Variants in RAB3C observed in about 807,000 individuals in gnomAD.
The protein encoded by RAB3C is RAB3C, member RAS oncogene family.
In RAB3C, 17 loss-of-function variants were observed where a neutral mutation model predicts 26.4. The ratio of observed to expected loss-of-function variants is 0.64; its 90% CI spans 0.44 to 0.97. The LOEUF (loss-of-function observed/expected upper bound fraction) is 0.97. RAB3C is among the 50% of genes least tolerant of loss of function. The pLI is 0.00. For synonymous variants in RAB3C, 91 were observed against 95.9 expected, an observed-to-expected ratio of 0.95 and a Z score of 0.30; for missense variants, 242 against 281.9, an observed-to-expected ratio of 0.86 and a Z score of 1.01.
At chr5:58,683,521 G>T (rs1174375752) in intron 2 of RAB3C, among the ~76,000 whole-genome samples, 12 of 151,938 alleles carry the variant, frequency 7.9e-5, no homozygotes, top group Admixed American at 7.9e-4. Flanking sequence ...GCTATAACCG[G>T]GTACCACAAG....
chr5:58,754,344 C>T (rs576361450), intron 3 of RAB3C, among the ~76,000 whole-genome samples: 1 of 134,958 alleles, frequency 7.4e-6, no homozygotes, highest in Non-Finnish European at 1.7e-5. Context: ...CGGAAGGGCA[C>T]GCTCCTTACT....
rs552556680 is a variant in RAB3C at position 58,599,964 on chromosome 5, A to G, written c.24+16732A>G. Reference sequence around the variant, plus strand: ...AAGGGTTTTTCCAATGTTATCTTCTACATTTTTATAGTTTCACGTCTTAGG... The same window carrying G: ...AAGGGTTTTTCCAATGTTATCTTCTGCATTTTTATAGTTTCACGTCTTAGG... On this transcript the variant is annotated intron_variant, in intron 1 of 4. Transcript: ENST00000282878. Among the ~76,000 whole-genome samples the G allele has an allele frequency of 1.1e-4, 17 of 152,268 alleles. No homozygotes were observed. In the East Asian group the frequency reaches 3.3e-3, roughly 29 times the overall value.
At chr5:58,686,384 A>G (rs1481265735) in intron 2 of RAB3C, among the ~76,000 whole-genome samples, 3 of 152,174 alleles carry the variant, frequency 2.0e-5, no homozygotes, top group Middle Eastern at 3.4e-3. Context: ...GAAGCTTTAG[A>G]CTTAGGCCAT....
At position 58,854,057 on chromosome 5, in the gene RAB3C, A is replaced by ACACACACACG. The variant is rs1744177619; in HGVS notation, c.*2715_*2716insGCACACACAC. 1.3e-5 allele frequency: 2 copies of ACACACACACG among 151,810 alleles called. No individual in the cohort carries two copies. 9.4% of individuals were successfully genotyped at this position (151,810 alleles called of 1,614,324 possible). A position where few individuals can be genotyped will look rare whatever the true frequency, so the allele number is the denominator to read the frequency against. On this transcript the variant is annotated 3_prime_UTR_variant, in exon 5 of 5. Transcript: ENST00000282878. ...GGCCAACACACACACACACACACAC[A>ACACACACACG]CACACACACACACACACTATACCAT...
intron 3 of RAB3C, among the ~76,000 whole-genome samples, chr5:58,745,392 C>CAAAAAAAAAAAAAAA (rs1173604247): frequency 4.8e-4 from 16 of 33,108 alleles, no homozygotes; most frequent in African/African-American, 1.5e-3. Context: ...GACTCTGCTT[C>CAAAAAAAAAAAAAAA]AAAAAAAAAA....
chr5:58,698,531 G>T (rs1748767898), intron 2 of RAB3C, among the ~76,000 whole-genome samples: 1 of 152,148 alleles, frequency 6.6e-6, no homozygotes, highest in Non-Finnish European at 1.5e-5. Context: ...TTCCAACTTG[G>T]TTCCATTTTC....
At chr5:58,652,834 A>G (rs765736315) in intron 2 of RAB3C, among the ~76,000 whole-genome samples, 3 of 152,150 alleles carry the variant, frequency 2.0e-5, no homozygotes, top group Non-Finnish European at 2.9e-5. Flanking sequence ...ATTTCTCTCC[A>G]TATTGTTTAT....
chr5:58,715,066 A>C (rs953071360), intron 2 of RAB3C, among the ~76,000 whole-genome samples: 3 of 152,048 alleles, frequency 2.0e-5, no homozygotes, highest in Non-Finnish European at 4.4e-5. Context: ...CAAAGCCTAG[A>C]GAGTCGAGTG....
chr5:58,627,519 A>C (rs905741182), intron 2 of RAB3C, among the ~76,000 whole-genome samples: 5 of 137,150 alleles, frequency 3.6e-5, no homozygotes, highest in South Asian at 2.4e-4. Context: ...AAAAAAAAAA[A>C]CACAGCTTAA....
intron 2 of RAB3C, among the ~76,000 whole-genome samples, chr5:58,654,805 T>C (rs2111793795): frequency 6.6e-6 from 1 of 152,330 alleles, no homozygotes; most frequent in Non-Finnish European, 1.5e-5. Context: ...CAGACTCATT[T>C]GTTCATGTAT....
chr5:58,741,531 C>CATGGGTTGAAAG (rs1741273948), intron 3 of RAB3C: 1 of 152,174 alleles, frequency 6.6e-6, no homozygotes, highest in African/African-American at 2.4e-5. Context: ...TGGGAAACTC[C>CATGGGTTGAAAG]ATGGGTTGAA....
chr5:58,756,918 C>T (rs563940971), intron 3 of RAB3C, among the ~76,000 whole-genome samples: 1 of 152,260 alleles, frequency 6.6e-6, no homozygotes, highest in South Asian at 2.1e-4. Context: ...GTGCATGTGT[C>T]TTTATAGTAG....
chr5:58,851,463 AT>A lies in RAB3C; in HGVS notation c.*114del. On this transcript the variant is annotated 3_prime_UTR_variant, in exon 5 of 5. Transcript: ENST00000282878. ...GCCTAACAATTATTTGAAGGAATAA[AT>A]TGATGTCAATGGCTCGTACGCATTC... The A allele has an allele frequency of 1.2e-6, 1 of 838,876 alleles. No individual in the cohort carries two copies. Among genetic ancestry groups the A allele is most frequent in the Non-Finnish European group, 1.8e-6 (1 of 560,660 alleles). The allele number at this position is 838,876 out of a possible 1,614,324, so 52.0% of individuals were successfully genotyped here. A position where few individuals can be genotyped will look rare whatever the true frequency, so the allele number is the denominator to read the frequency against.
intron 2 of RAB3C, among the ~76,000 whole-genome samples, chr5:58,687,645 C>CA (rs1685622017): frequency 2.0e-5 from 3 of 151,872 alleles, no homozygotes; most frequent in South Asian, 4.2e-4. Context: ...AGATACAAGG[C>CA]AAAAAATAAG....
rs1045043334 is a variant in RAB3C at position 58,852,496 on chromosome 5, A to G, written c.*1145A>G. The G allele has an allele frequency of 7.9e-5, 12 of 152,208 alleles. No homozygotes were observed. Among genetic ancestry groups the G allele is most frequent in the Admixed American group, 2.6e-4 (4 of 15,282 alleles). 9.4% of individuals were successfully genotyped at this position (152,208 alleles called of 1,614,324 possible). ...TCTTTAATCATCTTTTTAAGTCCAGATGTTCATAAATTCTAAAGCATATTC... is the reference window on the plus strand; with the variant it reads ...TCTTTAATCATCTTTTTAAGTCCAGGTGTTCATAAATTCTAAAGCATATTC... On this transcript the variant is annotated 3_prime_UTR_variant, in exon 5 of 5. Transcript: ENST00000282878.
chr5:58,687,813 G>A (rs1371865184), intron 2 of RAB3C, among the ~76,000 whole-genome samples: 3 of 152,040 alleles, frequency 2.0e-5, no homozygotes, highest in Admixed American at 6.6e-5. Flanking sequence ...AGATACACTA[G>A]TATCCTTTCT....
intron 3 of RAB3C, among the ~76,000 whole-genome samples, chr5:58,758,617 T>C (rs1419128031): frequency 6.6e-6 from 1 of 152,192 alleles, no homozygotes; most frequent in Non-Finnish European, 1.5e-5. Flanking sequence ...TTAGGGAATT[T>C]GCAATCAAAT....
At chr5:58,641,884 T>C (rs1186360577) in intron 2 of RAB3C, among the ~76,000 whole-genome samples, 1 of 152,254 alleles carries the variant, frequency 6.6e-6, no homozygotes, top group Non-Finnish European at 1.5e-5. Context: ...TATTTATGTT[T>C]TTTTGTGTTG....
intron 1 of RAB3C, among the ~76,000 whole-genome samples, chr5:58,587,661 C>T (rs1746040585): frequency 6.6e-6 from 1 of 152,088 alleles, no homozygotes; most frequent in Non-Finnish European, 1.5e-5. Context: ...TAACACACAC[C>T]ATTATAAAGA....
Sources: allele counts gnomAD v4.1 joint callset (sites outside exome capture counted in the v4.1 genomes callset), GRCh38; gene constraint gnomAD v4.1.1; transcripts MANE v1.5; gene names NCBI Gene and HGNC (gene_info 2026-07-23, HGNC 2026-07-21).